Variants in AP1M1 observed in about 807,000 individuals in gnomAD.
The protein encoded by AP1M1 is AP-1 complex subunit mu-1.
In AP1M1, 18 loss-of-function variants were observed where a neutral mutation model predicts 57.1. That is an observed-to-expected ratio of 0.32 (90% CI 0.22 to 0.47). AP1M1 has a LOEUF of 0.47. AP1M1 is among the 20% of genes least tolerant of loss of function. The pLI is 1.00. For synonymous variants in AP1M1, 241 were observed against 237.9 expected (o/e 1.01, Z -0.12); for missense variants, 362 against 593.5 (o/e 0.61, Z 4.05).
rs1406130030 is a variant in AP1M1 at position 16,234,188 on chromosome 19, C to G, written c.1174-11C>G. On this transcript the variant is annotated splice_polypyrimidine_tract_variant and intron_variant, in intron 10 of 11. Coordinates refer to ENST00000291439, the MANE Select transcript of AP1M1 (RefSeq NM_032493.4). ...CCTGCGGTGCTCAGGGCCCTGCTAC[C>G]TGTGCCCCAGGTGCGCTACCTGAAG... 2 of 1,611,468 alleles carry G rather than the reference C, an allele frequency of 1.2e-6. No individual in the cohort carries two copies. Among genetic ancestry groups the G allele is most frequent in the Admixed American group, 1.7e-5 (1 of 59,686 alleles).
chr19:16,245,212 A>T lies in AP1M1; in HGVS notation c.*10777A>T, dbSNP rs1266610458. On this transcript the variant is annotated 3_prime_UTR_variant, in exon 12 of 12. Coordinates refer to ENST00000291439, the MANE Select transcript of AP1M1 (RefSeq NM_032493.4). Reference sequence around the variant, plus strand: ...CGCCCAGCCAAATCTGCATTTTGATAAGTATGCATTTTACTATCTAAGGGA... The same window carrying T: ...CGCCCAGCCAAATCTGCATTTTGATTAGTATGCATTTTACTATCTAAGGGA... 6.6e-6 allele frequency: 1 copy of T among 151,858 alleles called. No homozygotes were observed. The highest frequency in any genetic ancestry group is 2.4e-5 in the African/African-American group (1 of 41,302). The allele number at this position is 151,858 out of a possible 1,614,324, so 9.4% of individuals were successfully genotyped here. A position where few individuals can be genotyped will look rare whatever the true frequency, so the allele number is the denominator to read the frequency against.
At position 16,228,369 on chromosome 19, in the gene AP1M1, C is replaced by T. The variant is rs571377165; in HGVS notation, c.888+161C>T. Among the ~76,000 whole-genome samples the T allele has an allele frequency of 3.2e-4, 49 of 152,298 alleles. No individual in the cohort carries two copies. The highest frequency in any genetic ancestry group is 1.1e-3 in the African/African-American group (47 of 41,570). ...GACACTGAGGGGACACCGCCTGGGG[C>T]CTGCTCCTAGATGGTGCCACTTGTG... On this transcript the variant is annotated intron_variant, in intron 8 of 11. Transcript: ENST00000291439. This position sits in a 1 kb window ranked among gnomAD's most constrained non-coding sequence, Gnocchi z 5.0.
rs564373131 is a variant in AP1M1 at position 16,241,647 on chromosome 19, A to G, written c.*7212A>G. On this transcript the variant is annotated 3_prime_UTR_variant, in exon 12 of 12. Transcript: ENST00000291439. ...TAGACCAGTGGTTGGAAAAGGGTTGAAAGAAAACTTTTAACAGATTAATAG... is the reference window on the plus strand; with the variant it reads ...TAGACCAGTGGTTGGAAAAGGGTTGGAAGAAAACTTTTAACAGATTAATAG... 5.1e-5 allele frequency: 5 copies of G among 98,014 alleles called. No individual in the cohort carries two copies. Among genetic ancestry groups the G allele is most frequent in the African/African-American group, 1.3e-4 (5 of 37,148 alleles). 6.1% of individuals were successfully genotyped at this position (98,014 alleles called of 1,614,324 possible).
chr19:16,214,541 G>T (rs1019465918), intron 5 of AP1M1, among the ~76,000 whole-genome samples: 1 of 151,244 alleles, frequency 6.6e-6, no homozygotes, highest in African/African-American at 2.4e-5. Context: ...TAGTAGATAT[G>T]GAGTTACACC....
In AP1M1 at chr19:16,234,604, T is replaced by C; in HGVS notation, c.*169T>C. The C allele has an allele frequency of 1.3e-6, 1 of 749,872 alleles. No homozygotes were observed. The highest frequency in any genetic ancestry group is 2.2e-6 in the Non-Finnish European group (1 of 460,662). 46.5% of individuals were successfully genotyped at this position (749,872 alleles called of 1,614,324 possible). A position where few individuals can be genotyped will look rare whatever the true frequency, so the allele number is the denominator to read the frequency against. On this transcript the variant is annotated 3_prime_UTR_variant, in exon 12 of 12. Transcript: ENST00000291439. ...AGGCCATCTGCTCTGCCGTCGACAC[T>C]CGTCTCAGAAGCCCCTTTCCCAGAA...
At chr19:16,202,251 T>C (rs1162989728) in intron 1 of AP1M1, among the ~76,000 whole-genome samples, 1 of 152,224 alleles carries the variant, frequency 6.6e-6, no homozygotes. Context: ...AGCGCCGCAA[T>C]GGCCTTCTCA....
chr19:16,205,036 T>C (rs2091464030), intron 2 of AP1M1, among the ~76,000 whole-genome samples: 1 of 152,004 alleles, frequency 6.6e-6, no homozygotes, highest in Non-Finnish European at 1.5e-5. Context: ...GGTTTCACCA[T>C]GTTAGCCAGG....
At chr19:16,218,225 T>C (rs938249867) in intron 5 of AP1M1, among the ~76,000 whole-genome samples, 8 of 152,218 alleles carry the variant, frequency 5.3e-5, no homozygotes, top group Admixed American at 5.2e-4. Context: ...ATGGCTGCTT[T>C]AGTAAAAGTT....
In AP1M1 at chr19:16,197,917, G is replaced by A; in HGVS notation, c.-110G>A. The A allele has an allele frequency of 1.1e-6, 1 of 883,890 alleles. No individual in the cohort carries two copies. The highest frequency in any genetic ancestry group is 1.6e-6 in the Non-Finnish European group (1 of 614,688). 54.8% of individuals were successfully genotyped at this position (883,890 alleles called of 1,614,324 possible). A position where few individuals can be genotyped will look rare whatever the true frequency, so the allele number is the denominator to read the frequency against. On this transcript the variant is annotated 5_prime_UTR_variant, in exon 1 of 12. Coordinates refer to ENST00000291439, the MANE Select transcript of AP1M1 (RefSeq NM_032493.4). ...CCGCGCGGCTCCCCGAACCGGAAGT[G>A]GAGGTGAGCTGTCGCGGGCGGCGCC...
intron 1 of AP1M1, among the ~76,000 whole-genome samples, chr19:16,202,578 G>A (rs1225782828): frequency 1.3e-5 from 2 of 152,096 alleles, no homozygotes; most frequent in Admixed American, 6.6e-5. Context: ...TTTTATACAC[G>A]TGCAGTCATG....
chr19:16,232,864 C>T (rs1453427362), intron 9 of AP1M1, among the ~76,000 whole-genome samples: 1 of 152,154 alleles, frequency 6.6e-6, no homozygotes, highest in African/African-American at 2.4e-5. Flanking sequence ...TGTTGCTCCT[C>T]AAGGCAGAGA....
chr19:16,229,777 C>T (rs2091588158), intron 9 of AP1M1, among the ~76,000 whole-genome samples: 1 of 152,220 alleles, frequency 6.6e-6, no homozygotes, highest in African/African-American at 2.4e-5. Flanking sequence ...CTCCCGTCAG[C>T]CTTTCCGCGT....
intron 1 of AP1M1, among the ~76,000 whole-genome samples, chr19:16,200,054 A>G (rs2091440751): frequency 6.6e-6 from 1 of 152,104 alleles, no homozygotes; most frequent in African/African-American, 2.4e-5. Flanking sequence ...TTATGGAGTT[A>G]TTGTGCAGAT....
intron 4 of AP1M1, among the ~76,000 whole-genome samples, chr19:16,208,469 C>T (rs145955961): frequency 4.5e-4 from 69 of 152,300 alleles, no homozygotes; most frequent in African/African-American, 1.6e-3. Context: ...GAAATCTCCC[C>T]TCTTTGGAAT....
At chr19:16,217,242 G>A (rs1568351599) in intron 5 of AP1M1, among the ~76,000 whole-genome samples, 2 of 152,152 alleles carry the variant, frequency 1.3e-5, no homozygotes, top group Non-Finnish European at 2.9e-5. Flanking sequence ...GGAACTGGGA[G>A]GGGTGGGGCT....
chr19:16,205,022 A>G (rs1224347382), intron 2 of AP1M1, among the ~76,000 whole-genome samples: 1 of 151,668 alleles, frequency 6.6e-6, no homozygotes, highest in Non-Finnish European at 1.5e-5. Context: ...TTTAGTAGAG[A>G]CAGGGTTTCA....
At chr19:16,224,292 A>G (rs1288385393) in intron 5 of AP1M1, among the ~76,000 whole-genome samples, 1 of 152,172 alleles carries the variant, frequency 6.6e-6, no homozygotes, top group East Asian at 1.9e-4. Flanking sequence ...CCCAGGGGGC[A>G]GCTTAGAGAG....
rs901443830 is a variant in AP1M1, at chr19:16,203,342, T to A, written c.43-117T>A. 4.0e-6 allele frequency: 4 copies of A among 998,894 alleles called. No individual in the cohort carries two copies. The highest frequency in any genetic ancestry group is 6.1e-6 in the Non-Finnish European group (4 of 659,598). 61.9% of individuals were successfully genotyped at this position (998,894 alleles called of 1,614,324 possible). ...TCAAGTCCTGCTCTTTTGCGGATAGTGGCCATGACCGGAGTCCCCAGAGCG... is the reference window on the plus strand; with the variant it reads ...TCAAGTCCTGCTCTTTTGCGGATAGAGGCCATGACCGGAGTCCCCAGAGCG... On this transcript the variant is annotated intron_variant, in intron 1 of 11. Coordinates refer to ENST00000291439, the MANE Select transcript of AP1M1 (RefSeq NM_032493.4). The surrounding 1 kb of genome is among the most constrained non-coding windows in gnomAD (Gnocchi z 4.6).
intron 9 of AP1M1, among the ~76,000 whole-genome samples, chr19:16,232,563 C>T (rs955369253): frequency 6.6e-6 from 1 of 152,246 alleles, no homozygotes; most frequent in African/African-American, 2.4e-5. Context: ...TTCCCCCCGT[C>T]ATCCTCCTGG....
Sources: allele counts gnomAD v4.1 joint callset (sites outside exome capture counted in the v4.1 genomes callset), GRCh38; gene constraint gnomAD v4.1.1; non-coding constraint Gnocchi (gnomAD v3.1); transcripts MANE v1.5; gene names NCBI Gene and HGNC (gene_info 2026-07-23, HGNC 2026-07-21).